Variants in TANGO6 observed in about 807,000 individuals in gnomAD.
TANGO6 encodes transport and Golgi organization protein 6 homolog.
In TANGO6, 90 loss-of-function variants were observed where a neutral mutation model predicts 114.2. The ratio of observed to expected loss-of-function variants is 0.79; its 90% CI spans 0.66 to 0.94. TANGO6 has a LOEUF of 0.94. Ranked by LOEUF, TANGO6 falls within the 40% of genes least tolerant of loss-of-function variation. The probability of loss-of-function intolerance (pLI) is 0.00; values close to 1 mark genes in which losing one functional copy is unlikely to be tolerated. For missense variants in TANGO6, 1,274 were observed against 1,315.3 expected, an observed-to-expected ratio of 0.97 and a Z score of 0.49; for synonymous variants, 477 against 509.8, an observed-to-expected ratio of 0.94 and a Z score of 0.87.
chr16:68,877,677 C>A (rs1053349867), intron 5 of TANGO6, among the ~76,000 whole-genome samples: 1 of 151,620 alleles, frequency 6.6e-6, no homozygotes, highest in Non-Finnish European at 1.5e-5. Flanking sequence ...GCGCGATCTC[C>A]GCTCACTGCA....
intron 14 of TANGO6, among the ~76,000 whole-genome samples, chr16:68,950,943 A>G (rs764688283): frequency 1.3e-5 from 2 of 152,106 alleles, no homozygotes; most frequent in Non-Finnish European, 2.9e-5. Context: ...TCTCAGGACT[A>G]TGAAAGATGG....
chr16:68,954,279 A>G (rs1171352891), intron 14 of TANGO6, among the ~76,000 whole-genome samples: 1 of 150,972 alleles, frequency 6.6e-6, no homozygotes, highest in Non-Finnish European at 1.5e-5. Context: ...GGAAGGAGGA[A>G]AGAGTGTTGT....
chr16:68,847,771 G>A (rs1475829913), intron 1 of TANGO6, among the ~76,000 whole-genome samples: 10 of 152,116 alleles, frequency 6.6e-5, no homozygotes, highest in African/African-American at 1.9e-4. Context: ...AGGCCATGGC[G>A]GGTGGATCTC....
intron 14 of TANGO6, among the ~76,000 whole-genome samples, chr16:68,967,998 T>G (rs886702620): frequency 6.6e-6 from 1 of 152,108 alleles, no homozygotes; most frequent in African/African-American, 2.4e-5. Flanking sequence ...CAGGGAAGTC[T>G]TGGGGGAAGA....
At chr16:68,989,843 T>G (rs1416734860) in intron 15 of TANGO6, among the ~76,000 whole-genome samples, 1 of 152,204 alleles carries the variant, frequency 6.6e-6, no homozygotes, top group Non-Finnish European at 1.5e-5. Context: ...TCTTTTAGCC[T>G]TAGCTGCTGC....
At chr16:68,998,568 A>G (rs1261866043) in intron 15 of TANGO6, among the ~76,000 whole-genome samples, 2 of 151,978 alleles carry the variant, frequency 1.3e-5, no homozygotes, top group Non-Finnish European at 2.9e-5. Context: ...TGTCTCTACT[A>G]AAAATACAAG....
chr16:68,880,368 C>G (rs947710523), intron 6 of TANGO6, among the ~76,000 whole-genome samples, 180 bp from the exon 7 acceptor site: 4 of 152,154 alleles, frequency 2.6e-5, no homozygotes, highest in African/African-American at 9.7e-5. Context: ...TGTTTATAAT[C>G]AGTGGCATCA....
chr16:69,048,680 A>G (rs1403838131), intron 17 of TANGO6, among the ~76,000 whole-genome samples: 3 of 152,306 alleles, frequency 2.0e-5, no homozygotes, highest in Admixed American at 6.5e-5. Flanking sequence ...TGGGTTCACC[A>G]TTAATACTGG....
chr16:69,004,321 C>A, intron 15 of TANGO6, among the ~76,000 whole-genome samples: 1 of 151,742 alleles, frequency 6.6e-6, no homozygotes, highest in African/African-American at 2.4e-5. Context: ...CTCACCGTTT[C>A]ATAAAAGATA....
chr16:69,037,720 G>C lies in TANGO6; in HGVS notation c.2995-2588G>C, dbSNP rs534184051. On this transcript the variant is annotated intron_variant, in intron 16 of 17. Transcript: ENST00000261778. ...TGGGGGGTCCCAGGTCAAAGGCAGA[G>C]CAGCTTGCTGGGTCTTACTGAAAAC... Among the ~76,000 whole-genome samples, 5 of 152,334 alleles carry C rather than the reference G, an allele frequency of 3.3e-5. No homozygotes were observed. In the South Asian group the frequency reaches 1.0e-3, roughly 32 times the overall value.
chr16:68,939,605 C>A, intron 14 of TANGO6, among the ~76,000 whole-genome samples: 2 of 146,148 alleles, frequency 1.4e-5, no homozygotes, highest in African/African-American at 2.5e-5. Flanking sequence ...TGCCATAAAG[C>A]ATGGATATTT....
At chr16:68,929,786 T>C (rs1451409014) in intron 13 of TANGO6, among the ~76,000 whole-genome samples, 2 of 152,358 alleles carry the variant, frequency 1.3e-5, no homozygotes, top group East Asian at 3.9e-4. Flanking sequence ...TTCAAAGTTA[T>C]CTCAATAATA....
intron 17 of TANGO6, among the ~76,000 whole-genome samples, chr16:69,046,074 A>AC (rs1426239470): frequency 6.6e-6 from 1 of 151,560 alleles, no homozygotes; most frequent in African/African-American, 2.4e-5. Context: ...AAAAAAAAAA[A>AC]AAAAAAAATT....
At chr16:69,074,771 A>C (rs1960346487) in intron 17 of TANGO6, among the ~76,000 whole-genome samples, 1 of 150,172 alleles carries the variant, frequency 6.7e-6, no homozygotes, top group Non-Finnish European at 1.5e-5. Flanking sequence ...GCTCTCACTC[A>C]AAATGGAGTC....
chr16:68,875,218 C>A lies in TANGO6; in HGVS notation c.1059C>A (p.Ile353=), dbSNP rs368736182. The A allele has an allele frequency of 6.8e-6, 11 of 1,613,550 alleles. No individual in the cohort carries two copies. In the African/African-American group the frequency reaches 1.2e-4, roughly 18 times the overall value. ...TAADWKKCDL[I]AKILASCPQQ... The stretch of plus-strand genomic sequence containing the variant: ...CTGACTGGAAGAAGTGTGACCTGAT[C>A]GCAAAGATTTTGGCCTCTTGTCCCC... Residue 353 remains isoleucine (I), a synonymous_variant, in exon 5 of 18, where the codon ATC becomes ATA. Coordinates refer to ENST00000261778, the MANE Select transcript of TANGO6 (RefSeq NM_024562.2).
chr16:69,004,243 T>C (rs1476641013), intron 15 of TANGO6, among the ~76,000 whole-genome samples: 1 of 152,176 alleles, frequency 6.6e-6, no homozygotes, highest in Non-Finnish European at 1.5e-5. Flanking sequence ...CAGCTAGACA[T>C]GTATGCACAC....
At chr16:68,950,979 G>A (rs762277589) in intron 14 of TANGO6, among the ~76,000 whole-genome samples, 14 of 152,100 alleles carry the variant, frequency 9.2e-5, no homozygotes, top group Non-Finnish European at 2.1e-4. Flanking sequence ...ACACTCAAAT[G>A]AGTGTGAGGG....
intron 17 of TANGO6, among the ~76,000 whole-genome samples, chr16:69,083,122 C>T (rs1386427396): frequency 6.8e-6 from 1 of 146,478 alleles, no homozygotes; most frequent in Non-Finnish European, 1.5e-5. Context: ...TTTTTCTGCA[C>T]CGTCATGGCT....
intron 17 of TANGO6, among the ~76,000 whole-genome samples, chr16:69,061,985 A>C (rs1358864274): frequency 6.6e-6 from 1 of 152,018 alleles, no homozygotes; most frequent in Non-Finnish European, 1.5e-5. Context: ...CTCCACTGGC[A>C]CTCCAGCCTT....
Sources: allele counts gnomAD v4.1 joint callset (sites outside exome capture counted in the v4.1 genomes callset), GRCh38; gene constraint gnomAD v4.1.1; transcripts MANE v1.5; gene names NCBI Gene and HGNC (gene_info 2026-07-23, HGNC 2026-07-21).